Variants in DPEP2 observed in about 807,000 individuals in gnomAD.
DPEP2 encodes the protein dipeptidase 2.
DPEP2 carries 45 observed loss-of-function variants against 51.8 expected under a neutral mutation model. That is an observed-to-expected ratio of 0.87 (90% CI 0.68 to 1.11). DPEP2 has a LOEUF of 1.11. Ranked by LOEUF, DPEP2 falls within the 50% of genes most tolerant of loss-of-function variation. The pLI is 0.00. For missense variants in DPEP2, 604 were observed against 631.9 expected, an observed-to-expected ratio of 0.96 and a Z score of 0.47; for synonymous variants, 255 against 262.7, an observed-to-expected ratio of 0.97 and a Z score of 0.28.
chr16:67,993,273 G>C lies in DPEP2; in HGVS notation c.-45-16C>G. 7.2e-7 allele frequency: 1 copy of C among 1,385,998 alleles called. No homozygotes were observed. The highest frequency in any genetic ancestry group is 9.4e-7 in the Non-Finnish European group (1 of 1,068,874). The allele number at this position is 1,385,998 out of a possible 1,614,324, so 85.9% of individuals were successfully genotyped here. ...GTCAGAGAGCCTGAGAGGGGCGGGC[G>C]AGGGGCAGAGCGCGACGATGGAGTC... On this transcript the variant is annotated splice_polypyrimidine_tract_variant and intron_variant, in intron 1 of 10. Coordinates refer to ENST00000393847, the MANE Select transcript of DPEP2 (RefSeq NM_022355.4).
chr16:67,993,140 G>GC lies in DPEP2; in HGVS notation c.72dup (p.Leu25AlafsTer42). 1 of 1,533,306 alleles carries GC rather than the reference G, an allele frequency of 6.5e-7. No individual in the cohort carries two copies. The highest frequency in any genetic ancestry group is 8.8e-7 in the Non-Finnish European group (1 of 1,137,344). 95.0% of individuals were successfully genotyped at this position (1,533,306 alleles called of 1,614,324 possible). A position where few individuals can be genotyped will look rare whatever the true frequency, so the allele number is the denominator to read the frequency against. ...GCACAGGTTACAGGCTGGAGCAGCA[G>GC]CAGCAGGAGCAGCAGACTCAGCAGA... On this transcript the variant is annotated frameshift_variant, in exon 2 of 11. Coordinates refer to ENST00000393847, the MANE Select transcript of DPEP2 (RefSeq NM_022355.4). LOFTEE classifies it high-confidence loss of function.
In DPEP2 at chr16:67,992,618, CA is replaced by C. The variant is rs750073852; in HGVS notation, c.281del (p.Leu94ArgfsTer3). On this transcript the variant is annotated frameshift_variant, in exon 3 of 11. Transcript: ENST00000393847. LOFTEE classifies it high-confidence loss of function. ...CTTTCTGGTAAACCTGCCTTAGGAC[CA>C]GGGGCAGGTCGTTGTGGCTGGAGGG... ...PLVDGHNDLP[L>X]VLRQVYQKGL... 6 of 1,613,862 alleles carry C rather than the reference CA, an allele frequency of 3.7e-6. No homozygotes were observed. The highest frequency in any genetic ancestry group is 5.1e-6 in the Non-Finnish European group (6 of 1,179,904).
intron 1 of DPEP2, among the ~76,000 whole-genome samples, chr16:67,998,632 C>T (rs2032847232): frequency 6.6e-6 from 1 of 152,262 alleles, no homozygotes; most frequent in Non-Finnish European, 1.5e-5. Context: ...GGCAGCTCCA[C>T]CTGCATCCCT....
In DPEP2 at chr16:67,991,228, G is replaced by A. The variant is rs369778129; in HGVS notation, c.663-44C>T. The A allele has an allele frequency of 3.2e-5, 52 of 1,602,688 alleles. No homozygotes were observed. The highest frequency in any genetic ancestry group is 2.3e-4 in the Middle Eastern group (1 of 4,442). On this transcript the variant is annotated intron_variant, in intron 5 of 10. Coordinates refer to ENST00000393847, the MANE Select transcript of DPEP2 (RefSeq NM_022355.4). The surrounding 1 kb of genome is among the most constrained non-coding windows in gnomAD (Gnocchi z 5.1). ...GCAGTCTGACTGGTAGCTGTTCCTC[G>A]GCCTCAAGAGTCTAGAGGCCCTACC...
chr16:67,994,526 C>T (rs1171885528), intron 1 of DPEP2: 1 of 985,396 alleles, frequency 1.0e-6, no homozygotes, highest in Admixed American at 6.1e-5. Flanking sequence ...GGCCAAACCC[C>T]TTCGTCCTCA....
In DPEP2 at chr16:67,993,182, T is replaced by G. The variant is rs2032406977; in HGVS notation, c.31A>C (p.Thr11Pro). 1 of 1,485,192 alleles carries G rather than the reference T, an allele frequency of 6.7e-7. No individual in the cohort carries two copies. Among genetic ancestry groups the G allele is most frequent in the Non-Finnish European group, 9.0e-7 (1 of 1,113,898 alleles). 92.0% of individuals were successfully genotyped at this position (1,485,192 alleles called of 1,614,324 possible). The change falls in exon 2 of 11, where the codon ACG becomes CCG. Residue 11 changes from threonine to proline, a missense_variant. Transcript: ENST00000393847. MQPSGLEGPG[T>P]FGRWPLLSLL... ...CTCAGCAGAGGCCACCGACCAAACGTGCCGGGACCCTCGAGGCCGGAGGGC... is the reference window on the plus strand; with the variant it reads ...CTCAGCAGAGGCCACCGACCAAACGGGCCGGGACCCTCGAGGCCGGAGGGC...
chr16:67,989,176 G>T, intron 9 of DPEP2, 147 bp downstream of exon 9: 1 of 824,404 alleles, frequency 1.2e-6, no homozygotes, highest in Non-Finnish European at 1.9e-6. Context: ...CCTAGAGTGG[G>T]GTCACTGGGA....
chr16:67,998,640 C>T (rs981233221), intron 1 of DPEP2, among the ~76,000 whole-genome samples: 1 of 152,248 alleles, frequency 6.6e-6, no homozygotes, highest in Non-Finnish European at 1.5e-5. Flanking sequence ...CACCTGCATC[C>T]CTGGTGCGGG....
chr16:67,987,800 T>A, intron 10 of DPEP2, 40 bp from the exon 11 acceptor site: 1 of 1,613,866 alleles, frequency 6.2e-7, no homozygotes, highest in Non-Finnish European at 8.5e-7. Flanking sequence ...ACAGCTCTCC[T>A]TGATACACTT....
At position 67,991,804 on chromosome 16, in the gene DPEP2, C is replaced by T. The variant is rs757183146; in HGVS notation, c.662+34G>A. 2 of 1,608,240 alleles carry T rather than the reference C, an allele frequency of 1.2e-6. No individual in the cohort carries two copies. Among genetic ancestry groups the T allele is most frequent in the East Asian group, 4.5e-5 (2 of 44,764 alleles). ...ACCTCAGGCAGATCTCTGCCCCTGC[C>T]TCAGCGGTCCCACACCATCTGCACT... is the stretch of plus-strand genomic sequence containing the variant. On this transcript the variant is annotated intron_variant, in intron 5 of 10. Transcript: ENST00000393847. This position sits in a 1 kb window ranked among gnomAD's most constrained non-coding sequence, Gnocchi z 5.1.
rs767804845 is a variant in DPEP2 at position 67,991,145 on chromosome 16, G to A, written c.702C>T (p.Asn234=). 6.2e-7 allele frequency: 1 copy of A among 1,614,070 alleles called. No homozygotes were observed. The highest frequency in any genetic ancestry group is 2.2e-5 in the East Asian group (1 of 44,882). Residue 234 remains asparagine, a synonymous_variant, in exon 6 of 11, where the codon AAC becomes AAT. Coordinates refer to ENST00000393847, the MANE Select transcript of DPEP2 (RefSeq NM_022355.4). This position sits in a 1 kb window ranked among gnomAD's most constrained non-coding sequence, Gnocchi z 5.1. ...CAAAGTCAGTCAGCCCGCTGATGTT[G>A]TTGTAGAAGGAGTGGACGCCCTTAG... ...SSAKGVHSFY[N]NISGLTDFGE... is the part of the protein sequence containing the mutation.
chr16:67,990,343 A>G (rs1439037898), intron 7 of DPEP2, among the ~76,000 whole-genome samples: 4 of 152,120 alleles, frequency 2.6e-5, no homozygotes, highest in Admixed American at 6.5e-5. Context: ...AGGAATATAC[A>G]TATTTACCAT....
rs189857339 is a variant in DPEP2 at position 67,998,247 on chromosome 16, C to T, written c.-46+1128G>A. Among the ~76,000 whole-genome samples, 7 of 151,946 alleles carry T rather than the reference C, an allele frequency of 4.6e-5. No homozygotes were observed. In the East Asian group the frequency reaches 1.4e-3, roughly 30 times the overall value. On this transcript the variant is annotated intron_variant, in intron 1 of 10. Coordinates refer to ENST00000393847, the MANE Select transcript of DPEP2 (RefSeq NM_022355.4). ...CGCGAGTGGGAACCGGGGCTGCGAG[C>T]GGCGCTTGCGGGCCAGCTGGAGTTT... is the stretch of plus-strand genomic sequence containing the variant.
In DPEP2 at chr16:67,999,390, A is replaced by C. The variant is rs769023320; in HGVS notation, c.-61T>G. 1.5e-6 allele frequency: 1 copy of C among 653,790 alleles called. No individual in the cohort carries two copies. Among genetic ancestry groups the C allele is most frequent in the African/African-American group, 2.0e-5 (1 of 50,820 alleles). The allele number at this position is 653,790 out of a possible 1,614,324, so 40.5% of individuals were successfully genotyped here. A position where few individuals can be genotyped will look rare whatever the true frequency, so the allele number is the denominator to read the frequency against. On this transcript the variant is annotated 5_prime_UTR_variant, in exon 1 of 11. Coordinates refer to ENST00000393847, the MANE Select transcript of DPEP2 (RefSeq NM_022355.4). ...GACGCGCTACCTTAAGAGCTGTAAC[A>C]CTCACTGCGAGGGTCTGCAGCTTCA...
chr16:67,998,244 G>A (rs892401346), intron 1 of DPEP2, among the ~76,000 whole-genome samples: 1 of 152,178 alleles, frequency 6.6e-6, no homozygotes, highest in Non-Finnish European at 1.5e-5. Context: ...CCGGGGCTGC[G>A]AGCGGCGCTT....
intron 1 of DPEP2, among the ~76,000 whole-genome samples, chr16:67,997,033 T>TATG (rs1343496256): frequency 7.0e-6 from 1 of 143,090 alleles, no homozygotes; most frequent in Non-Finnish European, 1.5e-5. Flanking sequence ...TTATTATTAT[T>TATG]ATTATTATTA....
In DPEP2 at chr16:67,987,847, A is replaced by G. The variant is rs2031587272; in HGVS notation, c.1206+5T>C. 1 of 1,614,164 alleles carries G rather than the reference A, an allele frequency of 6.2e-7. No individual in the cohort carries two copies. Among genetic ancestry groups the G allele is most frequent in the Non-Finnish European group, 8.5e-7 (1 of 1,180,040 alleles). Reference sequence around the variant, plus strand: ...TCGGCTACTCTCTTGCCCAGCCCAGAGTACCTTTTCCACTTGTCTGAAGAC... The same window carrying G: ...TCGGCTACTCTCTTGCCCAGCCCAGGGTACCTTTTCCACTTGTCTGAAGAC... On this transcript the variant is annotated splice_donor_5th_base_variant and intron_variant, in intron 10 of 10. Coordinates refer to ENST00000393847, the MANE Select transcript of DPEP2 (RefSeq NM_022355.4).
chr16:67,995,407 C>G (rs546930387), intron 1 of DPEP2, among the ~76,000 whole-genome samples: 7 of 152,184 alleles, frequency 4.6e-5, no homozygotes, highest in African/African-American at 1.7e-4. Context: ...GGCTCTGCTT[C>G]AGAGAACAGT....
intron 1 of DPEP2, chr16:67,999,130 G>C (rs972710218): frequency 1.3e-5 from 2 of 152,686 alleles, no homozygotes; most frequent in African/African-American, 4.8e-5. Flanking sequence ...TTCACTCTTT[G>C]GGTCCATGCT....
Sources: gnomAD v4.1 joint callset for allele counts (sites outside exome capture counted in the v4.1 genomes callset) on GRCh38, gnomAD v4.1.1 for gene constraint, Gnocchi (gnomAD v3.1) non-coding constraint, MANE v1.5 for transcripts, NCBI Gene and HGNC (gene_info 2026-07-23, HGNC 2026-07-21) for gene names.